Variants in ENDOU observed in about 807,000 individuals in gnomAD.
ENDOU encodes uridylate-specific endoribonuclease.
Under a neutral mutation model 54.2 loss-of-function variants are expected in ENDOU, and 49 were observed. That is an observed-to-expected ratio of 0.90 (90% CI 0.72 to 1.15). The LOEUF (loss-of-function observed/expected upper bound fraction) is 1.15, where lower values mean the gene tolerates loss of function less well. Among genes scored for constraint, ENDOU ranks in the 50% most tolerant of loss-of-function variants. The probability of loss-of-function intolerance (pLI) is 0.00; values close to 1 mark genes in which losing one functional copy is unlikely to be tolerated. For missense variants in ENDOU, 458 were observed against 511.4 expected (o/e 0.90, Z 1.01); for synonymous variants, 172 against 190.5 (o/e 0.90, Z 0.80).
At chr12:47,718,105 C>T (rs201198778) in intron 3 of ENDOU, 24 bp downstream of exon 3, 12 of 1,553,290 alleles carry the variant, frequency 7.7e-6, no homozygotes, top group Admixed American at 1.9e-5. Flanking sequence ...TCTTGAGGGC[C>T]CCCCTTTGGG....
intron 2 of ENDOU, chr12:47,719,227 A>G (rs187381387): frequency 6.6e-6 from 1 of 152,206 alleles, no homozygotes; most frequent in African/African-American, 2.4e-5. Context: ...CTTGAATGCC[A>G]GCCTGATGGT....
rs867477232 is a variant in ENDOU at position 47,716,918 on chromosome 12, T to C, written c.523A>G (p.Arg175Gly). 3 of 1,614,094 alleles carry C rather than the reference T, an allele frequency of 1.9e-6. No individual in the cohort carries two copies. The African/African-American group carries it at 4.0e-5, about 22-fold the overall frequency. The change falls in exon 5 of 10, where the codon AGA (arginine) becomes GGA (glycine). Residue 175 changes from arginine (R) to glycine (G), a missense_variant. Coordinates refer to ENST00000422538, the MANE Select transcript of ENDOU (RefSeq NM_001172439.2). ...TTTGGGCAGCGATCCACTTGGTTTC[T>C]GGTCTCTGACGGGGAGATGCAGTTT... ...SQNCISPSET[R>G]NQVDRCPKPL...
In ENDOU at chr12:47,711,031, C is replaced by G. The variant is rs1049439534; in HGVS notation, c.1116-112G>C. The G allele has an allele frequency of 7.7e-5, 47 of 610,814 alleles. No homozygotes were observed. In the Middle Eastern group the frequency reaches 1.8e-3, roughly 23 times the overall value. 37.8% of individuals were successfully genotyped at this position (610,814 alleles called of 1,614,324 possible). A position where few individuals can be genotyped will look rare whatever the true frequency, so the allele number is the denominator to read the frequency against. On this transcript the variant is annotated intron_variant, in intron 9 of 9. Transcript: ENST00000422538. ...GAAGGGCTCCATTCTGCTTAAACAG[C>G]CTTAAAGACAGAGCTGGCACTGCTT...
chr12:47,717,087 CAG>C (rs768367769), intron 4 of ENDOU, 29 bp from the exon 5 acceptor site: 91 of 1,608,032 alleles, frequency 5.7e-5, no homozygotes, highest in Non-Finnish European at 7.7e-5. Flanking sequence ...GGGGTGGCCT[CAG>C]AGCCAGAGGG....
intron 6 of ENDOU, among the ~76,000 whole-genome samples, chr12:47,714,857 T>G (rs1265723025): frequency 6.6e-6 from 1 of 152,200 alleles, no homozygotes; most frequent in Non-Finnish European, 1.5e-5. Context: ...GCCCACAATT[T>G]TATATGGTGA....
chr12:47,717,050 G>A lies in ENDOU; in HGVS notation c.391C>T (p.His131Tyr). 1.2e-6 allele frequency: 2 copies of A among 1,613,988 alleles called. No homozygotes were observed. The highest frequency in any genetic ancestry group is 8.5e-7 in the Non-Finnish European group (1 of 1,179,944). The change falls in exon 5 of 10, where the codon CAC becomes TAC. Residue 131 changes from histidine to tyrosine, a missense_variant. Coordinates refer to ENST00000422538, the MANE Select transcript of ENDOU (RefSeq NM_001172439.2). The part of the protein sequence containing the change: ...ESLCSDHEVS[H>Y]SSDAITKEEI... ...TCTTTTGTTATGGCATCACTGCTGT[G>A]GGAGACCTCTGGGAGGAATTGGAAG...
chr12:47,723,069 G>T (rs1379148903), intron 1 of ENDOU, among the ~76,000 whole-genome samples: 2 of 152,212 alleles, frequency 1.3e-5, no homozygotes, highest in African/African-American at 4.8e-5. Flanking sequence ...GGCCAAATCA[G>T]CAGAGTCCAG....
At chr12:47,713,556 T>C (rs1436578167) in intron 6 of ENDOU, among the ~76,000 whole-genome samples, 168 bp from the exon 7 acceptor site, 2 of 152,194 alleles carry the variant, frequency 1.3e-5, no homozygotes, top group African/African-American at 2.4e-5. Context: ...GATGCCTATT[T>C]TGTGCCAAAT....
intron 1 of ENDOU, 113 bp from the exon 2 acceptor site, chr12:47,720,988 C>T (rs890919338): frequency 2.0e-6 from 2 of 1,013,574 alleles, no homozygotes; most frequent in Non-Finnish European, 2.9e-6. Flanking sequence ...CAGGGAAGGG[C>T]ATTACTCTCT....
intron 5 of ENDOU, 124 bp downstream of exon 5, chr12:47,716,766 G>T: frequency 1.0e-6 from 1 of 979,416 alleles, no homozygotes; most frequent in Non-Finnish European, 1.5e-6. Context: ...TGTCTCTGGA[G>T]AACTATTTTT....
chr12:47,717,267 C>T (rs956206609), intron 4 of ENDOU, among the ~76,000 whole-genome samples: 5 of 152,212 alleles, frequency 3.3e-5, no homozygotes, highest in East Asian at 1.9e-4. Context: ...GAATGTCCCC[C>T]GCCCCTTCCC....
chr12:47,710,830 G>A lies in ENDOU; in HGVS notation c.1205C>T (p.Ala402Val). The change falls in exon 10 of 10, where the codon GCC (alanine) becomes GTC (valine). Residue 402 changes from alanine (A) to valine (V), a missense_variant. By Grantham distance (64) the Ala-to-Val change is moderately conservative. Transcript: ENST00000422538. ...GGTGGAAGACACTATGTAGGCTGTG[G>A]CGATGTACTTCTTGCCATTCCCATA... ...STYGNGKKYI[A>V]TAYIVSST 1 of 1,613,928 alleles carries A rather than the reference G, an allele frequency of 6.2e-7. No homozygotes were observed. Among genetic ancestry groups the A allele is most frequent in the African/African-American group, 1.3e-5 (1 of 75,024 alleles).
rs1565729261 is a variant in ENDOU, at chr12:47,710,531, A to G, written c.*271T>C. 1 of 356,318 alleles carries G rather than the reference A, an allele frequency of 2.8e-6. No homozygotes were observed. The highest frequency in any genetic ancestry group is 5.9e-5 in the East Asian group (1 of 17,022). 22.1% of individuals were successfully genotyped at this position (356,318 alleles called of 1,614,324 possible). The stretch of plus-strand genomic sequence containing the variant: ...CCCCCACACATCAGGGCAGAGAGCT[A>G]TGGAGGGTTCCTACCTTCTCTGCTT... On this transcript the variant is annotated 3_prime_UTR_variant, in exon 10 of 10. Coordinates refer to ENST00000422538, the MANE Select transcript of ENDOU (RefSeq NM_001172439.2).
At chr12:47,722,238 C>G (rs1349310938) in intron 1 of ENDOU, among the ~76,000 whole-genome samples, 1 of 152,114 alleles carries the variant, frequency 6.6e-6, no homozygotes, top group African/African-American at 2.4e-5. Context: ...TTACCAGTCC[C>G]TAGTATTGGA....
At chr12:47,713,960 G>T (rs1423158467) in intron 6 of ENDOU, among the ~76,000 whole-genome samples, 1 of 152,186 alleles carries the variant, frequency 6.6e-6, no homozygotes, top group African/African-American at 2.4e-5. Flanking sequence ...GGGGAGAGTG[G>T]TAGGAGAGGA....
rs904691576 is a variant in ENDOU, at chr12:47,710,844, G to A, written c.1191C>T (p.Gly397=). 1 of 1,614,082 alleles carries A rather than the reference G, an allele frequency of 6.2e-7. No homozygotes were observed. The highest frequency in any genetic ancestry group is 8.5e-7 in the Non-Finnish European group (1 of 1,179,964). Residue 397 remains glycine (G), a synonymous_variant, in exon 10 of 10, where the codon GGC becomes GGT. Coordinates refer to ENST00000422538, the MANE Select transcript of ENDOU (RefSeq NM_001172439.2). ...YTWDKSTYGN[G]KKYIATAYIV... is the part of the protein sequence containing the mutation. ...TGTAGGCTGTGGCGATGTACTTCTT[G>A]CCATTCCCATAGGTGGACTTGTCCC...
At position 47,717,558 on chromosome 12, in the gene ENDOU, C is replaced by T. The variant is rs774622387; in HGVS notation, c.342G>A (p.Gly114=). The change falls in exon 4 of 10, where the codon GGG becomes GGA. Residue 114 remains glycine (G), a synonymous_variant. Transcript: ENST00000422538. ...GGCTCTCAAAATCCTTGCAGCAGTT[C>T]CCAAACTCTTGGCAGCGGGCATTGC... ...CHCNARCQEF[G]NCCKDFESLC... 14 of 1,614,180 alleles carry T rather than the reference C, an allele frequency of 8.7e-6. No homozygotes were observed. Among genetic ancestry groups the T allele is most frequent in the Non-Finnish European group, 1.1e-5 (13 of 1,180,028 alleles).
chr12:47,724,901 C>T (rs1234106075), intron 1 of ENDOU, among the ~76,000 whole-genome samples: 2 of 152,180 alleles, frequency 1.3e-5, no homozygotes, highest in East Asian at 1.9e-4. Context: ...GCCTGCCCAC[C>T]TCCTAAGGCT....
intron 5 of ENDOU, 79 bp from the exon 6 acceptor site, chr12:47,716,578 AG>A: frequency 7.4e-7 from 1 of 1,348,344 alleles, no homozygotes; most frequent in Admixed American, 2.0e-5. Flanking sequence ...TAGACAGGCC[AG>A]GGGCAGACAG....
Sources: gnomAD v4.1 joint callset for allele counts (sites outside exome capture counted in the v4.1 genomes callset) on GRCh38, gnomAD v4.1.1 for gene constraint, MANE v1.5 for transcripts, NCBI Gene and HGNC (gene_info 2026-07-23, HGNC 2026-07-21) for gene names.